HS3ST4: variants seen among roughly 807,000 people sequenced by gnomAD.
HS3ST4 encodes the protein heparan sulfate glucosamine 3-O-sulfotransferase 4.
A neutral mutation model predicts 29.2 loss-of-function variants in HS3ST4; 17 were observed. That is an observed-to-expected ratio of 0.58 (90% CI 0.40 to 0.87). The LOEUF (loss-of-function observed/expected upper bound fraction) is 0.87. Among genes scored for constraint, HS3ST4 ranks in the 40% least tolerant of loss-of-function variants. The pLI, the probability that HS3ST4 is intolerant of heterozygous loss-of-function variation, is 0.00. For missense variants in HS3ST4, 627 were observed against 634.5 expected (o/e 0.99, Z 0.13); for synonymous variants, 314 against 285.7 (o/e 1.10, Z -1.00).
intron 1 of HS3ST4, among the ~76,000 whole-genome samples, chr16:25,987,360 A>T (rs1178852680): frequency 6.6e-6 from 1 of 152,174 alleles, no homozygotes; most frequent in Non-Finnish European, 1.5e-5. Flanking sequence ...AAAAAAAAAA[A>T]AAGCAATACT....
intron 1 of HS3ST4, among the ~76,000 whole-genome samples, chr16:26,123,241 C>T (rs1162226555): frequency 1.3e-5 from 2 of 152,108 alleles, no homozygotes; most frequent in Non-Finnish European, 2.9e-5. Flanking sequence ...ATGTTATTAT[C>T]CCCATTTGAC....
chr16:26,022,036 C>T (rs1483393333), intron 1 of HS3ST4, among the ~76,000 whole-genome samples: 4 of 152,106 alleles, frequency 2.6e-5, no homozygotes, highest in African/African-American at 9.7e-5. Context: ...TTTCTTAGTC[C>T]ACTGCAGCCT....
chr16:26,042,354 C>CTGTGTGTGTGTGTG (rs71732983), intron 1 of HS3ST4, among the ~76,000 whole-genome samples: 53 of 148,452 alleles, frequency 3.6e-4, no homozygotes, highest in African/African-American at 1.2e-3. Context: ...GCATTTATCT[C>CTGTGTGTGTGTGTG]TGTGTGTGTG....
chr16:25,693,107 G>A lies in HS3ST4; in HGVS notation c.690G>A (p.Pro230=). ...HPDVRAVGVE[P]HFFDRNYEKG... ...ACGTGCGGGCGGTGGGCGTAGAGCC[G>A]CACTTCTTCGACAGGAACTACGAAA... The change falls in exon 1 of 2, where the codon CCG becomes CCA. Residue 230 remains proline (P), a synonymous_variant. Coordinates refer to ENST00000331351, the MANE Select transcript of HS3ST4 (RefSeq NM_006040.3). 6.2e-7 allele frequency: 1 copy of A among 1,608,732 alleles called. No individual in the cohort carries two copies. The highest frequency in any genetic ancestry group is 2.2e-5 in the East Asian group (1 of 44,448).
At chr16:25,726,317 C>T (rs1398748010) in intron 1 of HS3ST4, among the ~76,000 whole-genome samples, 1 of 152,138 alleles carries the variant, frequency 6.6e-6, no homozygotes, top group Non-Finnish European at 1.5e-5. Flanking sequence ...TCCACACACA[C>T]ACACGTACAC....
At chr16:25,893,050 T>C (rs1245303553) in intron 1 of HS3ST4, among the ~76,000 whole-genome samples, 1 of 152,114 alleles carries the variant, frequency 6.6e-6, no homozygotes, top group Non-Finnish European at 1.5e-5. Flanking sequence ...GCTGTTAATG[T>C]GTGTGAAGGC....
At chr16:25,776,463 G>A (rs1341458339) in intron 1 of HS3ST4, among the ~76,000 whole-genome samples, 1 of 152,134 alleles carries the variant, frequency 6.6e-6, no homozygotes, top group Non-Finnish European at 1.5e-5. Flanking sequence ...GAGTTGTCCT[G>A]TTTTTCATCT....
chr16:26,050,093 C>A (rs73516317), intron 1 of HS3ST4, among the ~76,000 whole-genome samples: 6,598 of 152,206 alleles, frequency 0.043, 464 homozygotes, highest in African/African-American at 0.15. Context: ...TCTGCCCTCT[C>A]CCCCCTGGAG....
intron 1 of HS3ST4, among the ~76,000 whole-genome samples, chr16:25,947,622 A>C (rs143011539): frequency 6.6e-6 from 1 of 152,146 alleles, no homozygotes. Context: ...GTCTCTGCTC[A>C]TGTCATCTTT....
At chr16:26,108,340 T>C (rs1165364630) in intron 1 of HS3ST4, among the ~76,000 whole-genome samples, 1 of 152,236 alleles carries the variant, frequency 6.6e-6, no homozygotes, top group Non-Finnish European at 1.5e-5. Context: ...CTCTTCTTGC[T>C]AAGATGGGAA....
intron 1 of HS3ST4, among the ~76,000 whole-genome samples, chr16:26,014,784 A>G (rs759742710): frequency 3.9e-5 from 6 of 152,124 alleles, no homozygotes; most frequent in Non-Finnish European, 8.8e-5. Context: ...TTGCTATTGT[A>G]TCATCACCAT....
At chr16:25,724,547 A>G (rs1324257560) in intron 1 of HS3ST4, among the ~76,000 whole-genome samples, 1 of 152,054 alleles carries the variant, frequency 6.6e-6, no homozygotes, top group Non-Finnish European at 1.5e-5. Context: ...TATTTTTAGT[A>G]GAGACGGGGT....
At chr16:25,830,828 C>T (rs533026913) in intron 1 of HS3ST4, among the ~76,000 whole-genome samples, 42 of 152,074 alleles carry the variant, frequency 2.8e-4, no homozygotes, top group African/African-American at 9.6e-4. Flanking sequence ...AGTATAGTGA[C>T]GACCTTCCAG....
At position 26,081,749 on chromosome 16, in the gene HS3ST4, G is replaced by A. The variant is rs528133646; in HGVS notation, c.735-53863G>A. 2.8e-4 allele frequency among the ~76,000 whole-genome samples: 43 copies of A among 150,902 alleles called. No individual in the cohort carries two copies. In the South Asian group the frequency reaches 6.9e-3, roughly 24 times the overall value. On this transcript the variant is annotated intron_variant, in intron 1 of 1. Coordinates refer to ENST00000331351, the MANE Select transcript of HS3ST4 (RefSeq NM_006040.3). ...GAGAACAAGCCACTTAGGAACTGCC[G>A]GTAGAGGTAGACCCCATGTACTTCA... is the stretch of plus-strand genomic sequence containing the variant.
intron 1 of HS3ST4, among the ~76,000 whole-genome samples, chr16:25,910,647 C>CA (rs1026963791): frequency 6.5e-4 from 87 of 133,922 alleles, no homozygotes; most frequent in African/African-American, 8.8e-4. Context: ...GACTCTGTCT[C>CA]AAAAAAAAAA....
intron 1 of HS3ST4, among the ~76,000 whole-genome samples, chr16:26,049,013 T>C (rs1299179777): frequency 6.6e-6 from 1 of 152,102 alleles, no homozygotes; most frequent in Non-Finnish European, 1.5e-5. Context: ...AATAATGATA[T>C]CTAGCTAAAA....
At chr16:25,966,529 T>G (rs1257674992) in intron 1 of HS3ST4, among the ~76,000 whole-genome samples, 1 of 152,146 alleles carries the variant, frequency 6.6e-6, no homozygotes, top group Non-Finnish European at 1.5e-5. Flanking sequence ...CTGGATTCCT[T>G]CTTCTTCATA....
intron 1 of HS3ST4, among the ~76,000 whole-genome samples, chr16:26,109,747 T>C (rs1371771795): frequency 2.0e-5 from 3 of 152,148 alleles, no homozygotes; most frequent in Non-Finnish European, 2.9e-5. Flanking sequence ...TTTAGACATT[T>C]ATTTTTTTTC....
At chr16:26,020,084 C>T (rs1335025967) in intron 1 of HS3ST4, among the ~76,000 whole-genome samples, 1 of 152,186 alleles carries the variant, frequency 6.6e-6, no homozygotes. Flanking sequence ...TCGGATCCCA[C>T]CTGTCTTGCC....
Sources: gnomAD v4.1 joint callset for allele counts (sites outside exome capture counted in the v4.1 genomes callset) on GRCh38, gnomAD v4.1.1 for gene constraint, MANE v1.5 for transcripts, NCBI Gene and HGNC (gene_info 2026-07-23, HGNC 2026-07-21) for gene names.